Variants in ZNF470 observed in about 807,000 individuals in gnomAD.
The protein encoded by ZNF470 is chondrogenesis zinc finger protein 1.
In ZNF470, 13 loss-of-function variants were observed where a neutral mutation model predicts 13.9. That is an observed-to-expected ratio of 0.94 (90% CI 0.61 to 1.49). The LOEUF (loss-of-function observed/expected upper bound fraction) is 1.49. Among genes scored for constraint, ZNF470 ranks in the 40% most tolerant of loss-of-function variants. The pLI is 0.00. For missense variants in ZNF470, 929 were observed against 857.3 expected (o/e 1.08, Z -1.04); for synonymous variants, 293 against 282.9 (o/e 1.04, Z -0.36).
Position 56,574,413 on chromosome 19 carries a change from A to T in ZNF470, c.80A>T (p.Asp27Val), listed in dbSNP as rs1289912783. ...TTTTAGGGTTCAGTGACTTTCACAG[A>T]TGTGGCCATAGACTTTTCCCAAGAT... Reference protein sequence around the residue: ...AMSLGSVTFTDVAIDFSQDEW... With the variant: ...AMSLGSVTFTVVAIDFSQDEW... Residue 27 changes from aspartate to valine, a missense_variant, in exon 4 of 6, where the codon GAT becomes GTT. Asp to Val is a radical substitution (Grantham distance 152). Transcript: ENST00000330619. 1.2e-6 allele frequency: 2 copies of T among 1,613,840 alleles called. No individual in the cohort carries two copies. Among genetic ancestry groups the T allele is most frequent in the Non-Finnish European group, 1.7e-6 (2 of 1,179,744 alleles).
Position 56,577,986 on chromosome 19 carries a change from C to T in ZNF470, c.1557C>T (p.Ser519=). The change falls in exon 6 of 6, where the codon AGC becomes AGT. Residue 519 remains serine (S), a synonymous_variant. Transcript: ENST00000330619. ...GTAAGGAATGCAGCAAAACCTTCAG[C>T]CAGAATGCACACCTCGCGCAACATC... ...YECKECSKTF[S]QNAHLAQHQK... 1 of 1,613,338 alleles carries T rather than the reference C, an allele frequency of 6.2e-7. No homozygotes were observed. Among genetic ancestry groups the T allele is most frequent in the Non-Finnish European group, 8.5e-7 (1 of 1,179,484 alleles).
chr19:56,574,477 C>T lies in ZNF470; in HGVS notation c.144C>T (p.Tyr48=), dbSNP rs1306468187. ...TGAATCTTGCTCAGAGAAGTTTGTA[C>T]AAGAAGGTGATGTTAGAAAACTACA... The part of the protein sequence containing the change: ...EWLNLAQRSL[Y]KKVMLENYRN... Residue 48 remains tyrosine (Y), a synonymous_variant, in exon 4 of 6, where the codon TAC becomes TAT. Transcript: ENST00000330619. The T allele has an allele frequency of 2.5e-6, 4 of 1,613,870 alleles. No homozygotes were observed. The South Asian group carries it at 3.3e-5, about 13-fold the overall frequency.
At position 56,578,538 on chromosome 19, in the gene ZNF470, A is replaced by G. The variant is rs1280853507; in HGVS notation, c.2109A>G (p.Ser703=). 1.3e-6 allele frequency: 2 copies of G among 1,585,306 alleles called. No individual in the cohort carries two copies. The highest frequency in any genetic ancestry group is 1.7e-6 in the Non-Finnish European group (2 of 1,165,636). ...AHHQRIHTGE[S]SVILSSALPY... is the part of the protein sequence containing the mutation. Reference sequence around the variant, plus strand: ...ATCAGCGAATTCATACCGGAGAGTCATCAGTTATTCTCTCCTCTGCCCTCC... The same window carrying G: ...ATCAGCGAATTCATACCGGAGAGTCGTCAGTTATTCTCTCCTCTGCCCTCC... Residue 703 remains serine (S), a synonymous_variant, in exon 6 of 6, where the codon TCA becomes TCG. Coordinates refer to ENST00000330619, the MANE Select transcript of ZNF470 (RefSeq NM_001001668.4).
chr19:56,581,121 GATATA>G lies in ZNF470; in HGVS notation c.*2542_*2546del. The G allele has an allele frequency of 2.1e-6, 2 of 939,144 alleles. No homozygotes were observed. Among genetic ancestry groups the G allele is most frequent in the Non-Finnish European group, 2.5e-6 (2 of 787,970 alleles). 58.2% of individuals were successfully genotyped at this position (939,144 alleles called of 1,614,324 possible). A position where few individuals can be genotyped will look rare whatever the true frequency, so the allele number is the denominator to read the frequency against. On this transcript the variant is annotated 3_prime_UTR_variant, in exon 6 of 6. Transcript: ENST00000330619. Reference sequence around the variant, plus strand: ...AGACTGACACAAAGTGTTTGCAACAGATATAATAAAGGACTGTAATTCGTGATATT... The same window carrying G: ...AGACTGACACAAAGTGTTTGCAACAGATAAAGGACTGTAATTCGTGATATT...
intron 2 of ZNF470, among the ~76,000 whole-genome samples, chr19:56,569,437 A>G (rs2044434726): frequency 6.6e-6 from 1 of 152,220 alleles, no homozygotes; most frequent in Non-Finnish European, 1.5e-5. Context: ...ATCCTGGCCA[A>G]CTGCACAGAG....
rs1044004485 is a variant in ZNF470 at position 56,569,980 on chromosome 19, C to A, written c.-32-300C>A. 2.6e-4 allele frequency among the ~76,000 whole-genome samples: 32 copies of A among 121,210 alleles called. 1 individual carries two copies. The highest frequency in any genetic ancestry group is 1.5e-3 in the Admixed American group (18 of 12,338). 79.5% of individuals were successfully genotyped at this position (121,210 alleles called of 152,430 possible). On this transcript the variant is annotated intron_variant, in intron 2 of 5. Coordinates refer to ENST00000330619, the MANE Select transcript of ZNF470 (RefSeq NM_001001668.4). ...CTCCAACCTGGGCAACAGAGTGAGT[C>A]CCTGTCTTAGAAAAAAAAAATGTAC...
In ZNF470 at chr19:56,582,590, G is replaced by C. The variant is rs1369687688; in HGVS notation, c.*4007G>C. ...GCCTCTACCACCACCAAATTTACTTGTTGAAGTCCTAAACCCCAACATGAC... is the reference window on the plus strand; with the variant it reads ...GCCTCTACCACCACCAAATTTACTTCTTGAAGTCCTAAACCCCAACATGAC... On this transcript the variant is annotated 3_prime_UTR_variant, in exon 6 of 6. Transcript: ENST00000330619. 2.0e-6 allele frequency: 2 copies of C among 985,074 alleles called. No homozygotes were observed. Among genetic ancestry groups the C allele is most frequent in the East Asian group, 1.1e-4 (1 of 8,814 alleles). The allele number at this position is 985,074 out of a possible 1,614,324, so 61.0% of individuals were successfully genotyped here. A position where few individuals can be genotyped will look rare whatever the true frequency, so the allele number is the denominator to read the frequency against.
chr19:56,579,927 G>C lies in ZNF470; in HGVS notation c.*1344G>C, dbSNP rs2044522884. ...GAATGTAGTTTACATTAGGAATGTA[G>C]TACTAATACTAATTGAACATTTGCT... On this transcript the variant is annotated 3_prime_UTR_variant, in exon 6 of 6. Coordinates refer to ENST00000330619, the MANE Select transcript of ZNF470 (RefSeq NM_001001668.4). The C allele has an allele frequency of 3.4e-6, 1 of 295,182 alleles. No individual in the cohort carries two copies. Among genetic ancestry groups the C allele is most frequent in the Non-Finnish European group, 5.0e-6 (1 of 199,400 alleles). 18.3% of individuals were successfully genotyped at this position (295,182 alleles called of 1,614,324 possible). A position where few individuals can be genotyped will look rare whatever the true frequency, so the allele number is the denominator to read the frequency against.
At chr19:56,574,241 A>G (rs763698875) in intron 3 of ZNF470, 153 bp from the exon 4 acceptor site, 6 of 1,252,820 alleles carry the variant, frequency 4.8e-6, no homozygotes, top group South Asian at 3.6e-5. Context: ...AAGTTGTCCA[A>G]TAACTTACCT....
At chr19:56,569,833 T>TA (rs1333340481) in intron 2 of ZNF470, among the ~76,000 whole-genome samples, 2 of 151,744 alleles carry the variant, frequency 1.3e-5, no homozygotes, top group Admixed American at 6.6e-5. Context: ...CTATCAAAAG[T>TA]AAAAAAACTA....
At chr19:56,571,599 C>G (rs2044452251) in intron 3 of ZNF470, among the ~76,000 whole-genome samples, 2 of 150,370 alleles carry the variant, frequency 1.3e-5, no homozygotes, top group Admixed American at 1.3e-4. Flanking sequence ...GTTAAGTTTT[C>G]TTTTTGTTTT....
chr19:56,582,019 A>G lies in ZNF470; in HGVS notation c.*3436A>G. On this transcript the variant is annotated 3_prime_UTR_variant, in exon 6 of 6. Coordinates refer to ENST00000330619, the MANE Select transcript of ZNF470 (RefSeq NM_001001668.4). ...CTGTTGGTCAGTTGCTTGCAAGTAA[A>G]GAAACAATCATACAGAATTTGGTAC... The G allele has an allele frequency of 1.0e-6, 1 of 985,398 alleles. No individual in the cohort carries two copies. The highest frequency in any genetic ancestry group is 1.2e-6 in the Non-Finnish European group (1 of 829,924). 61.0% of individuals were successfully genotyped at this position (985,398 alleles called of 1,614,324 possible). A position where few individuals can be genotyped will look rare whatever the true frequency, so the allele number is the denominator to read the frequency against.
At chr19:56,574,132 G>T in intron 3 of ZNF470, 1 of 598,228 alleles carries the variant, frequency 1.7e-6, no homozygotes, top group Non-Finnish European at 2.7e-6. Context: ...TTTTTTCATT[G>T]GTAATGTATT....
In ZNF470 at chr19:56,579,716, T is replaced by C. The variant is rs1279380482; in HGVS notation, c.*1133T>C. 29 of 983,728 alleles carry C rather than the reference T, an allele frequency of 2.9e-5. No individual in the cohort carries two copies. Among genetic ancestry groups the C allele is most frequent in the Non-Finnish European group, 3.3e-5 (27 of 828,492 alleles). The allele number at this position is 983,728 out of a possible 1,614,324, so 60.9% of individuals were successfully genotyped here. ...ACTGCAATTAGTTTCTGAATGTAGA[T>C]GTTACAACTTAAACTTATTTTTAAA... On this transcript the variant is annotated 3_prime_UTR_variant, in exon 6 of 6. Transcript: ENST00000330619.
chr19:56,574,253 A>G (rs756916810), intron 3 of ZNF470, 141 bp from the exon 4 acceptor site: 1 of 1,329,382 alleles, frequency 7.5e-7, no homozygotes, highest in Non-Finnish European at 1.1e-6. Context: ...AACTTACCTG[A>G]CCCGGATCAT....
At chr19:56,575,888 A>G (rs1156529100) in intron 5 of ZNF470, among the ~76,000 whole-genome samples, 1 of 152,186 alleles carries the variant, frequency 6.6e-6, no homozygotes, top group African/African-American at 2.4e-5. Context: ...AATATTAGAA[A>G]AAGAACAAAA....
Position 56,576,837 on chromosome 19 carries a change from GA to G in ZNF470, c.413del (p.Asn138ThrfsTer13), listed in dbSNP as rs1568495270. The G allele has an allele frequency of 6.3e-7, 1 of 1,590,104 alleles. No homozygotes were observed. Among genetic ancestry groups the G allele is most frequent in the South Asian group, 1.2e-5 (1 of 86,598 alleles). On this transcript the variant is annotated frameshift_variant, in exon 6 of 6. Coordinates refer to ENST00000330619, the MANE Select transcript of ZNF470 (RefSeq NM_001001668.4). LOFTEE classifies it low-confidence loss of function (END_TRUNC). ...ATGACCTTGAATGTTCAACATTAGG[GA>G]AAAACTGGAAATGTGAAGACTTGTT... ...SYDLECSTLGKNWKCEDLFER... is the reference protein window; with the variant it reads ...SYDLECSTLGXNWKCEDLFER...
At chr19:56,569,858 CA>C (rs1450172320) in intron 2 of ZNF470, among the ~76,000 whole-genome samples, 1 of 152,076 alleles carries the variant, frequency 6.6e-6, no homozygotes, top group African/African-American at 2.4e-5. Flanking sequence ...GGCATGGTGG[CA>C]CATGCCTGTA....
chr19:56,574,789 G>C, intron 5 of ZNF470, 56 bp downstream of exon 5: 1 of 1,494,190 alleles, frequency 6.7e-7, no homozygotes, highest in African/African-American at 1.4e-5. Flanking sequence ...TCTTGTCTCT[G>C]AAGTGTGTTG....
Sources: allele counts gnomAD v4.1 joint callset (sites outside exome capture counted in the v4.1 genomes callset), GRCh38; gene constraint gnomAD v4.1.1; transcripts MANE v1.5; gene names NCBI Gene and HGNC (gene_info 2026-07-23, HGNC 2026-07-21).